Variants in SDK2 observed in about 807,000 individuals in gnomAD.
SDK2 encodes sidekick cell adhesion molecule 2, also known as protein sidekick-2.
SDK2 carries 105 observed loss-of-function variants against 253.9 expected under a neutral mutation model. That is an observed-to-expected ratio of 0.41 (90% CI 0.35 to 0.49). SDK2 has a LOEUF of 0.49. Ranked by LOEUF, SDK2 falls within the 20% of genes least tolerant of loss-of-function variation. SDK2 has a pLI of 0.06. For synonymous variants in SDK2, 1,249 were observed against 1,234.9 expected (o/e 1.01, Z -0.24); for missense variants, 2,608 against 3,003.0 (o/e 0.87, Z 3.07).
intron 38 of SDK2, among the ~76,000 whole-genome samples, chr17:73,363,724 T>A (rs770146242): frequency 8.6e-5 from 13 of 151,962 alleles, no homozygotes; most frequent in Non-Finnish European, 1.9e-4. Flanking sequence ...GACTGTGGAA[T>A]TGGAAGGCAA....
intron 1 of SDK2, among the ~76,000 whole-genome samples, chr17:73,620,170 T>C (rs1047056856): frequency 1.4e-5 from 2 of 147,080 alleles, no homozygotes; most frequent in Non-Finnish European, 3.0e-5. Context: ...CTGCTCTCCA[T>C]CCTGGGCAAC....
chr17:73,488,414 C>T (rs549569256), intron 2 of SDK2, among the ~76,000 whole-genome samples: 5 of 152,292 alleles, frequency 3.3e-5, no homozygotes, highest in African/African-American at 4.8e-5. Flanking sequence ...TATTAGAGAA[C>T]GATATGAGCA....
In SDK2 at chr17:73,338,127, C is replaced by T. The variant is rs1253674991; in HGVS notation, c.*460G>A. On this transcript the variant is annotated 3_prime_UTR_variant, in exon 45 of 45. Coordinates refer to ENST00000392650, the MANE Select transcript of SDK2 (RefSeq NM_001144952.2). This position sits in a 1 kb window ranked among gnomAD's most constrained non-coding sequence, Gnocchi z 5.0. Reference sequence around the variant, plus strand: ...AGATAGGCGTGGCCTCCGGGATGCCCATTCTTTTTGCAGAGAGCAGCGGCA... The same window carrying T: ...AGATAGGCGTGGCCTCCGGGATGCCTATTCTTTTTGCAGAGAGCAGCGGCA... 7.6e-6 allele frequency: 2 copies of T among 262,584 alleles called. No homozygotes were observed. Among genetic ancestry groups the T allele is most frequent in the Non-Finnish European group, 1.5e-5 (2 of 131,438 alleles). The allele number at this position is 262,584 out of a possible 1,614,324, so 16.3% of individuals were successfully genotyped here. A position where few individuals can be genotyped will look rare whatever the true frequency, so the allele number is the denominator to read the frequency against.
chr17:73,554,343 T>G (rs1170525417), intron 1 of SDK2, among the ~76,000 whole-genome samples: 1 of 152,188 alleles, frequency 6.6e-6, no homozygotes, highest in African/African-American at 2.4e-5. Flanking sequence ...CCACGGTACC[T>G]CAGAATGCAA....
chr17:73,476,969 G>T (rs1224485937), intron 2 of SDK2, among the ~76,000 whole-genome samples: 2 of 152,168 alleles, frequency 1.3e-5, no homozygotes, highest in African/African-American at 4.8e-5. Context: ...TCTCTTTGGT[G>T]CTCCCTGCCT....
intron 2 of SDK2, among the ~76,000 whole-genome samples, chr17:73,499,812 A>G (rs1432402841): frequency 2.0e-5 from 3 of 151,358 alleles, no homozygotes; most frequent in African/African-American, 7.3e-5. Flanking sequence ...GGCACCCATG[A>G]GCCTCCATAA....
chr17:73,361,705 C>T lies in SDK2; in HGVS notation c.5446G>A (p.Val1816Ile), dbSNP rs369267841. The change falls in exon 39 of 45, where the codon GTC (valine) becomes ATC (isoleucine). Residue 1816 changes from valine (V) to isoleucine (I), a missense_variant. This residue lies in a region of SDK2 where 1,103 missense variants were observed against 1,143.9 expected (regional missense o/e 0.96). Transcript: ENST00000392650. The surrounding 1 kb of genome is among the most constrained non-coding windows in gnomAD (Gnocchi z 4.1). ...CTACCTTCTCCGGGGCCCGTGGTGA[C>T]GTTGGCTTCGATCTCCGGCCCGTAG... ...FTYGPEIEAN[V>I]TTGPGEGAPG... 23 of 1,611,984 alleles carry T rather than the reference C, an allele frequency of 1.4e-5. No homozygotes were observed. Among genetic ancestry groups the T allele is most frequent in the African/African-American group, 6.7e-5 (5 of 74,882 alleles).
intron 44 of SDK2, among the ~76,000 whole-genome samples, chr17:73,339,878 CT>C (rs367740130): frequency 1.0e-4 from 15 of 147,606 alleles, no homozygotes; most frequent in Non-Finnish European, 9.0e-5. Context: ...TTCTTTCTTT[CT>C]TTTTTTTTTG....
In SDK2 at chr17:73,541,634, G is replaced by A. The variant is rs1039488642; in HGVS notation, c.65-34037C>T. On this transcript the variant is annotated intron_variant, in intron 1 of 44. Coordinates refer to ENST00000392650, the MANE Select transcript of SDK2 (RefSeq NM_001144952.2). The surrounding 1 kb of genome is among the most constrained non-coding windows in gnomAD (Gnocchi z 4.3). ...CTGCTGGCTCTTCATTTCTCGTGGC[G>A]TGTTTACCTTCCTGATTTTGCCTGC... Among the ~76,000 whole-genome samples the A allele has an allele frequency of 4.6e-5, 7 of 152,086 alleles. No individual in the cohort carries two copies. The highest frequency in any genetic ancestry group is 7.2e-5 in the African/African-American group (3 of 41,390).
At position 73,401,020 on chromosome 17, in the gene SDK2, C is replaced by G; in HGVS notation, c.2971G>C (p.Glu991Gln). 1 of 1,569,672 alleles carries G rather than the reference C, an allele frequency of 6.4e-7. No homozygotes were observed. Among genetic ancestry groups the G allele is most frequent in the Non-Finnish European group, 8.6e-7 (1 of 1,157,148 alleles). The change falls in exon 21 of 45, where the codon GAA becomes CAA. Residue 991 changes from glutamate to glutamine, a missense_variant and splice_region_variant. Glu to Gln is a conservative substitution (Grantham distance 29). Transcript: ENST00000392650. ...TCCTGCCTTGAGAGTGGGCACTTACCTGGGGGCACCCCAGAGGAGATGGTG... is the reference window on the plus strand; with the variant it reads ...TCCTGCCTTGAGAGTGGGCACTTACGTGGGGGCACCCCAGAGGAGATGGTG... ...ASTISSGVPP[E>Q]LPGPPTNLGI...
At position 73,414,039 on chromosome 17, in the gene SDK2, T is replaced by TC. The variant is rs989799018; in HGVS notation, c.2484+604dup. ...ACCAGGTGTTTCTTTTTCTTCTTTT[T>TC]CTCTCTCTCTTCTTTTTTTTTTTTT... On this transcript the variant is annotated intron_variant, in intron 18 of 44. Coordinates refer to ENST00000392650, the MANE Select transcript of SDK2 (RefSeq NM_001144952.2). Among the ~76,000 whole-genome samples, 5 of 151,762 alleles carry TC rather than the reference T, an allele frequency of 3.3e-5. No homozygotes were observed. In the East Asian group the frequency reaches 5.8e-4, roughly 18 times the overall value.
chr17:73,474,775 T>G (rs973831987), intron 2 of SDK2, among the ~76,000 whole-genome samples: 3 of 152,050 alleles, frequency 2.0e-5, no homozygotes, highest in Non-Finnish European at 4.4e-5. Context: ...GGGGTGACCC[T>G]AGAGGGGAGA....
intron 18 of SDK2, among the ~76,000 whole-genome samples, chr17:73,412,047 TATATAC>T (rs2063136785): frequency 2.7e-4 from 2 of 7,386 alleles, no homozygotes; most frequent in Non-Finnish European, 1.3e-3. Context: ...TATATATATG[TATATAC>T]GTATATGTAT....
chr17:73,498,736 G>A (rs189898198), intron 2 of SDK2, among the ~76,000 whole-genome samples: 1 of 152,326 alleles, frequency 6.6e-6, no homozygotes, highest in Non-Finnish European at 1.5e-5. Context: ...GCAGTGTGGG[G>A]CCTGGCATGA....
intron 21 of SDK2, among the ~76,000 whole-genome samples, chr17:73,400,741 C>T (rs948996926): frequency 2.0e-5 from 3 of 149,932 alleles, no homozygotes; most frequent in Non-Finnish European, 3.0e-5. Flanking sequence ...GCAACCTCTA[C>T]CTCCTGGGTT....
chr17:73,634,289 C>T (rs988056980), intron 1 of SDK2, among the ~76,000 whole-genome samples: 6 of 152,208 alleles, frequency 3.9e-5, no homozygotes, highest in Non-Finnish European at 7.3e-5. Flanking sequence ...GGTATCTTGG[C>T]CAAATCTAAG....
chr17:73,353,997 G>A lies in SDK2; in HGVS notation c.5594-1360C>T, dbSNP rs1202219327. Among the ~76,000 whole-genome samples, 4 of 151,896 alleles carry A rather than the reference G, an allele frequency of 2.6e-5. No individual in the cohort carries two copies. The East Asian group carries it at 5.8e-4, about 22-fold the overall frequency. On this transcript the variant is annotated intron_variant, in intron 40 of 44. Coordinates refer to ENST00000392650, the MANE Select transcript of SDK2 (RefSeq NM_001144952.2). ...ATTACACGTGTGAGCCACCATGCCC[G>A]GTCTTTTTCTTTTCTTTTTAGTAAC...
At chr17:73,437,500 G>C (rs1051881402) in intron 8 of SDK2, among the ~76,000 whole-genome samples, 3 of 152,292 alleles carry the variant, frequency 2.0e-5, no homozygotes, top group Admixed American at 6.5e-5. Flanking sequence ...TGAAATTACT[G>C]TAAGTTGGGT....
chr17:73,432,558 A>T (rs974486727), intron 10 of SDK2, among the ~76,000 whole-genome samples: 1 of 152,046 alleles, frequency 6.6e-6, no homozygotes, highest in African/African-American at 2.4e-5. Context: ...AGGTCCTGGG[A>T]GACGGCAGTG....
Sources: allele counts gnomAD v4.1 joint callset (sites outside exome capture counted in the v4.1 genomes callset), GRCh38; gene constraint gnomAD v4.1.1; regional missense constraint gnomAD v4.1.1; non-coding constraint Gnocchi (gnomAD v3.1); transcripts MANE v1.5; gene names NCBI Gene and HGNC (gene_info 2026-07-23, HGNC 2026-07-21).